VPS33A: variants seen among roughly 807,000 people sequenced by gnomAD.
VPS33A encodes VPS33A core subunit of CORVET and HOPS complexes.
Under a neutral mutation model 71.8 loss-of-function variants are expected in VPS33A, and 32 were observed. That is an observed-to-expected ratio of 0.45 (90% CI 0.34 to 0.60). The LOEUF (loss-of-function observed/expected upper bound fraction) is 0.60, where lower values mean the gene tolerates loss of function less well. Ranked by LOEUF, VPS33A falls within the 20% of genes least tolerant of loss-of-function variation. VPS33A has a pLI of 0.02. For synonymous variants in VPS33A, 311 were observed against 292.7 expected (o/e 1.06, Z -0.64); for missense variants, 625 against 748.5 (o/e 0.84, Z 1.92).
Position 122,238,768 on chromosome 12 carries a change from CAT to C in VPS33A, c.1165-46_1165-45del, listed in dbSNP as rs768701905. On this transcript the variant is annotated intron_variant, in intron 9 of 12. Transcript: ENST00000267199. ...ACATATACATATACATTTACATATA[CAT>C]ACACACACACACACACACACACACA... 41 of 1,223,022 alleles carry C rather than the reference CAT, an allele frequency of 3.4e-5. No individual in the cohort carries two copies. In the East Asian group the frequency reaches 4.3e-4, roughly 13 times the overall value. The allele number at this position is 1,223,022 out of a possible 1,614,324, so 75.8% of individuals were successfully genotyped here.
intron 6 of VPS33A, chr12:122,248,203 C>T (rs1204758211): frequency 1.3e-5 from 2 of 152,380 alleles, no homozygotes; most frequent in Non-Finnish European, 2.9e-5. Context: ...TGAGCCACCG[C>T]GCCTGGCCTC....
intron 6 of VPS33A, among the ~76,000 whole-genome samples, chr12:122,247,211 G>C (rs762519068): frequency 7.2e-5 from 11 of 151,972 alleles, no homozygotes; most frequent in Non-Finnish European, 1.3e-4. Flanking sequence ...GAAAAAACTT[G>C]CTACAAGGAG....
At chr12:122,238,776 C>A (rs201530278) in intron 9 of VPS33A, 52 bp from the exon 10 acceptor site, 2 of 548,348 alleles carry the variant, frequency 3.6e-6, no homozygotes, top group Middle Eastern at 3.8e-4. Flanking sequence ...TACATACACA[C>A]ACACACACAC....
intron 4 of VPS33A, among the ~76,000 whole-genome samples, chr12:122,260,963 A>T (rs1467785392): frequency 6.6e-6 from 1 of 152,268 alleles, no homozygotes; most frequent in East Asian, 1.9e-4. Flanking sequence ...CGACAGAGCG[A>T]GACTCCGTCT....
chr12:122,260,652 C>CT (rs1954980918), intron 4 of VPS33A, among the ~76,000 whole-genome samples: 1 of 152,046 alleles, frequency 6.6e-6, no homozygotes, highest in East Asian at 1.9e-4. Context: ...TAAAATTTAA[C>CT]TACTTTTAAT....
rs761335442 is a variant in VPS33A, at chr12:122,266,282, G to T, written c.102+25C>A. 4.4e-6 allele frequency: 7 copies of T among 1,605,108 alleles called. No individual in the cohort carries two copies. In the East Asian group the frequency reaches 6.7e-5, roughly 15 times the overall value. On this transcript the variant is annotated intron_variant, in intron 1 of 12. Transcript: ENST00000267199. Reference sequence around the variant, plus strand: ...AGGCCGGACCAGGGGAGGCGAGGGCGGTGTCGCTGCCTCCCGCCCCTCACC... The same window carrying T: ...AGGCCGGACCAGGGGAGGCGAGGGCTGTGTCGCTGCCTCCCGCCCCTCACC...
intron 3 of VPS33A, among the ~76,000 whole-genome samples, chr12:122,262,996 T>TC (rs1281034599): frequency 6.7e-6 from 1 of 149,782 alleles, no homozygotes; most frequent in East Asian, 1.9e-4. Flanking sequence ...ACACTCTTTT[T>TC]TTTTTTTTTT....
intron 7 of VPS33A, among the ~76,000 whole-genome samples, chr12:122,243,163 A>C (rs1402682638): frequency 6.6e-6 from 1 of 152,174 alleles, no homozygotes; most frequent in African/African-American, 2.4e-5. Context: ...GTAAAAAACT[A>C]AGACAAAAAA....
chr12:122,261,359 C>G lies in VPS33A; in HGVS notation c.385G>C (p.Gly129Arg), dbSNP rs1332194319. The G allele has an allele frequency of 5.0e-6, 8 of 1,613,786 alleles. No individual in the cohort carries two copies. The highest frequency in any genetic ancestry group is 6.8e-6 in the Non-Finnish European group (8 of 1,179,938). The change falls in exon 4 of 13, where the codon GGT (glycine) becomes CGT (arginine). Residue 129 changes from glycine (G) to arginine (R), a missense_variant. By Grantham distance (125) the Gly-to-Arg change is moderately radical (BLOSUM62 -2). Coordinates refer to ENST00000267199, the MANE Select transcript of VPS33A (RefSeq NM_022916.6). ...CTGTGAATAAAGGATCCCAAGACAC[C>G]CAGATCCTTCAACCGCTGTTCGCAC... ...LLCEQRLKDL[G>R]VLGSFIHREE...
intron 3 of VPS33A, among the ~76,000 whole-genome samples, chr12:122,262,168 G>A (rs1955003460): frequency 6.6e-6 from 1 of 152,236 alleles, no homozygotes; most frequent in South Asian, 2.1e-4. Context: ...TCCAGCCTGG[G>A]CAACAGAGTG....
chr12:122,260,042 C>CA (rs1954971879), intron 4 of VPS33A, among the ~76,000 whole-genome samples: 1 of 151,610 alleles, frequency 6.6e-6, no homozygotes, highest in Admixed American at 6.6e-5. Flanking sequence ...GACTCTATCT[C>CA]AAAAAAAGAA....
Position 122,232,052 on chromosome 12 carries a change from G to T in VPS33A, c.*194C>A. On this transcript the variant is annotated 3_prime_UTR_variant, in exon 13 of 13. Coordinates refer to ENST00000267199, the MANE Select transcript of VPS33A (RefSeq NM_022916.6). The stretch of plus-strand genomic sequence containing the variant: ...AGTCTGGGTGACAGAGCAAGACTCC[G>T]TCTCAAAGGAAAAAAAAAAAGGGAA... The T allele has an allele frequency of 1.8e-6, 1 of 547,596 alleles. No homozygotes were observed. The highest frequency in any genetic ancestry group is 3.2e-5 in the East Asian group (1 of 31,328). The allele number at this position is 547,596 out of a possible 1,614,324, so 33.9% of individuals were successfully genotyped here. A position where few individuals can be genotyped will look rare whatever the true frequency, so the allele number is the denominator to read the frequency against.
At chr12:122,237,644 C>T (rs1459645245) in intron 10 of VPS33A, among the ~76,000 whole-genome samples, 2 of 139,958 alleles carry the variant, frequency 1.4e-5, no homozygotes, top group African/African-American at 2.9e-5. Context: ...CCCGGGTTCA[C>T]GCCATTCTCC....
intron 6 of VPS33A, among the ~76,000 whole-genome samples, chr12:122,246,290 T>TTTTATTTA (rs138644669): frequency 0.044 from 6,653 of 150,930 alleles, 486 homozygotes; most frequent in African/African-American, 0.15. Context: ...CTCTCTCTTA[T>TTTTATTTA]TTTATTTATT....
At position 122,235,216 on chromosome 12, in the gene VPS33A, C is replaced by T. The variant is rs937454857; in HGVS notation, c.1440+570G>A. On this transcript the variant is annotated intron_variant, in intron 11 of 12. Coordinates refer to ENST00000267199, the MANE Select transcript of VPS33A (RefSeq NM_022916.6). Reference sequence around the variant, plus strand: ...CTCAAGCGATCTGACCCTTCAGCCTCCCAATATACTGGGATTACAAGAATG... The same window carrying T: ...CTCAAGCGATCTGACCCTTCAGCCTTCCAATATACTGGGATTACAAGAATG... Among the ~76,000 whole-genome samples the T allele has an allele frequency of 9.2e-5, 14 of 151,890 alleles. No homozygotes were observed. In the Middle Eastern group the frequency reaches 0.021, roughly 223 times the overall value.
chr12:122,252,400 C>G (rs770888094), intron 4 of VPS33A, among the ~76,000 whole-genome samples: 21 of 152,002 alleles, frequency 1.4e-4, no homozygotes, highest in Non-Finnish European at 2.6e-4. Context: ...TCCCAAGTAG[C>G]TGGGACTACA....
In VPS33A at chr12:122,232,928, G is replaced by A. The variant is rs868463710; in HGVS notation, c.1481C>T (p.Pro494Leu). 3.7e-6 allele frequency: 6 copies of A among 1,613,934 alleles called. No homozygotes were observed. The highest frequency in any genetic ancestry group is 5.1e-6 in the Non-Finnish European group (6 of 1,179,998). ...CAGCTGGGCCAGCCGCACACTGAGC[G>A]GGGCATACCCACTGTACACATACGA... ...DISYVYSGYA[P>L]LSVRLAQLLS... Residue 494 changes from proline to leucine, a missense_variant, in exon 12 of 13, where the codon CCG becomes CTG. By Grantham distance (98) the Pro-to-Leu change is moderately conservative. Transcript: ENST00000267199.
intron 1 of VPS33A, 135 bp downstream of exon 1, chr12:122,266,172 T>C (rs1955068118): frequency 7.5e-7 from 1 of 1,330,968 alleles, no homozygotes; most frequent in Middle Eastern, 2.5e-4. Flanking sequence ...GGGGTGCAGG[T>C]AAAAGGGCCC....
intron 4 of VPS33A, among the ~76,000 whole-genome samples, chr12:122,254,179 C>T (rs957752939): frequency 9.9e-5 from 15 of 152,128 alleles, no homozygotes; most frequent in African/African-American, 3.6e-4. Flanking sequence ...ACATTTTACA[C>T]AGAACAATGA....
Sources: gnomAD v4.1 joint callset for allele counts (sites outside exome capture counted in the v4.1 genomes callset) on GRCh38, gnomAD v4.1.1 for gene constraint, MANE v1.5 for transcripts, NCBI Gene and HGNC (gene_info 2026-07-23, HGNC 2026-07-21) for gene names.